XPR1: variants seen among roughly 807,000 people sequenced by gnomAD.
XPR1 encodes solute carrier family 53 member 1.
In XPR1, 28 loss-of-function variants were observed where a neutral mutation model predicts 87.5. The ratio of observed to expected loss-of-function variants is 0.32; its 90% CI spans 0.24 to 0.44. The LOEUF (loss-of-function observed/expected upper bound fraction) is 0.44, where lower values mean the gene tolerates loss of function less well. XPR1 is among the 20% of genes least tolerant of loss of function. The probability of loss-of-function intolerance (pLI) is 1.00; values close to 1 mark genes in which losing one functional copy is unlikely to be tolerated. For synonymous variants in XPR1, 300 were observed against 306.1 expected (o/e 0.98, Z 0.21); for missense variants, 559 against 862.3 (o/e 0.65, Z 4.41).
chr1:180,832,782 A>T (rs1256633660), intron 9 of XPR1, among the ~76,000 whole-genome samples: 1 of 152,136 alleles, frequency 6.6e-6, no homozygotes, highest in Admixed American at 6.5e-5. Context: ...GTATAGTTTG[A>T]AGTCAGGTAG....
chr1:180,717,908 G>T (rs1014808888), intron 2 of XPR1, among the ~76,000 whole-genome samples: 1 of 152,010 alleles, frequency 6.6e-6, no homozygotes, highest in South Asian at 2.1e-4. Context: ...GGCAAAAACC[G>T]CAATTACTTT....
At chr1:180,819,919 C>G (rs1326256731) in intron 7 of XPR1, among the ~76,000 whole-genome samples, 2 of 151,742 alleles carry the variant, frequency 1.3e-5, no homozygotes, top group African/African-American at 4.8e-5. Flanking sequence ...ACTTGGGAGG[C>G]TGAGGCAGGA....
At position 180,887,709 on chromosome 1, in the gene XPR1, T is replaced by A. The variant is rs1653058233; in HGVS notation, c.*3643T>A. On this transcript the variant is annotated 3_prime_UTR_variant, in exon 15 of 15. Coordinates refer to ENST00000367590, the MANE Select transcript of XPR1 (RefSeq NM_004736.4). ...TCAGTAGTAACTTATAAAAACCGTT[T>A]AAAGAAGGAAAATGGGCCCCAGCCC... The A allele has an allele frequency of 1.3e-5, 2 of 152,224 alleles. No individual in the cohort carries two copies. The highest frequency in any genetic ancestry group is 2.9e-5 in the Non-Finnish European group (2 of 68,036). 9.4% of individuals were successfully genotyped at this position (152,224 alleles called of 1,614,324 possible). A position where few individuals can be genotyped will look rare whatever the true frequency, so the allele number is the denominator to read the frequency against.
intron 7 of XPR1, among the ~76,000 whole-genome samples, chr1:180,823,156 G>T (rs754707224): frequency 1.2e-4 from 18 of 151,580 alleles, no homozygotes; most frequent in Admixed American, 4.6e-4. Flanking sequence ...CAGGAGAATC[G>T]CTTGAACGCG....
chr1:180,781,674 T>G (rs906647446), intron 2 of XPR1, among the ~76,000 whole-genome samples: 2 of 151,858 alleles, frequency 1.3e-5, no homozygotes, highest in African/African-American at 4.8e-5. Flanking sequence ...TTTTAAAATT[T>G]TATTATTATT....
At chr1:180,774,527 A>G (rs1311353289) in intron 2 of XPR1, among the ~76,000 whole-genome samples, 1 of 151,318 alleles carries the variant, frequency 6.6e-6, no homozygotes, top group Non-Finnish European at 1.5e-5. Context: ...AGTAGCTGGG[A>G]CTACAGGCAC....
At chr1:180,821,868 T>A (rs994901961) in intron 7 of XPR1, among the ~76,000 whole-genome samples, 3 of 152,236 alleles carry the variant, frequency 2.0e-5, no homozygotes, top group African/African-American at 7.2e-5. Context: ...AAGTGAATTT[T>A]GTGTGTTGAT....
chr1:180,786,790 C>T (rs988838403), intron 2 of XPR1, among the ~76,000 whole-genome samples: 3 of 152,190 alleles, frequency 2.0e-5, no homozygotes. Flanking sequence ...TCCAGCTTGT[C>T]AGAATCCCAA....
intron 2 of XPR1, among the ~76,000 whole-genome samples, chr1:180,708,351 ATG>A (rs1213438453): frequency 6.6e-6 from 1 of 152,154 alleles, no homozygotes; most frequent in Admixed American, 6.5e-5. Flanking sequence ...ATTCCTTACT[ATG>A]TGTGTTTGAG....
chr1:180,825,453 A>G (rs1486122761), intron 9 of XPR1, 109 bp downstream of exon 9: 1 of 1,180,314 alleles, frequency 8.5e-7, no homozygotes. Context: ...GCCGTGGTTC[A>G]CATTATAGTT....
intron 1 of XPR1, among the ~76,000 whole-genome samples, chr1:180,653,900 C>A (rs1655368737): frequency 6.6e-6 from 1 of 152,142 alleles, no homozygotes; most frequent in African/African-American, 2.4e-5. Context: ...GGTGTGAAAT[C>A]TAAAACATGA....
intron 1 of XPR1, among the ~76,000 whole-genome samples, chr1:180,651,023 C>CT (rs1290646615): frequency 6.6e-6 from 1 of 151,512 alleles, no homozygotes; most frequent in African/African-American, 2.4e-5. Context: ...AGTACGCAGT[C>CT]TTTTTTGCAT....
At chr1:180,879,946 T>G in intron 13 of XPR1, 130 bp from the exon 14 acceptor site, 1 of 950,816 alleles carries the variant, frequency 1.1e-6, no homozygotes, top group Non-Finnish European at 1.6e-6. Flanking sequence ...TCTTTCCCTA[T>G]TTTAATATTC....
intron 1 of XPR1, among the ~76,000 whole-genome samples, chr1:180,642,789 A>G (rs937370227): frequency 2.0e-5 from 3 of 152,150 alleles, no homozygotes; most frequent in Admixed American, 6.6e-5. Flanking sequence ...GGAATGACCA[A>G]TTGATTTTGC....
chr1:180,883,086 C>G (rs1178418911), intron 14 of XPR1, among the ~76,000 whole-genome samples: 1 of 147,850 alleles, frequency 6.8e-6, no homozygotes, highest in Admixed American at 6.8e-5. Context: ...CCTCAGCTTC[C>G]TGAGTAGCTG....
intron 6 of XPR1, 64 bp downstream of exon 6, chr1:180,806,621 C>T (rs977444967): frequency 2.8e-6 from 4 of 1,437,870 alleles, no homozygotes; most frequent in Non-Finnish European, 3.8e-6. Context: ...CAGTATTTAG[C>T]TGGCCCCATT....
At chr1:180,696,667 TGCCTA>T (rs1571736111) in intron 2 of XPR1, among the ~76,000 whole-genome samples, 1 of 152,296 alleles carries the variant, frequency 6.6e-6, no homozygotes, top group East Asian at 1.9e-4. Context: ...GCTCTTTCTA[TGCCTA>T]GTTTGTTGAG....
intron 11 of XPR1, among the ~76,000 whole-genome samples, chr1:180,861,016 A>G (rs912144089): frequency 6.6e-6 from 1 of 152,118 alleles, no homozygotes; most frequent in African/African-American, 2.4e-5. Flanking sequence ...AATAATTTAC[A>G]CTTGATTATT....
intron 1 of XPR1, among the ~76,000 whole-genome samples, chr1:180,638,991 G>A (rs781040230): frequency 6.6e-6 from 1 of 152,096 alleles, no homozygotes. Flanking sequence ...TATAGGGACT[G>A]ATCAGAAAAT....
Sources: gnomAD v4.1 joint callset for allele counts (sites outside exome capture counted in the v4.1 genomes callset) on GRCh38, gnomAD v4.1.1 for gene constraint, MANE v1.5 for transcripts, NCBI Gene and HGNC (gene_info 2026-07-23, HGNC 2026-07-21) for gene names.